MCC: variants seen among roughly 807,000 people sequenced by gnomAD.
MCC encodes the protein colorectal mutant cancer protein.
Under a neutral mutation model 116.2 loss-of-function variants are expected in MCC, and 90 were observed. The observed-to-expected ratio is 0.77, with a 90% CI of 0.65 to 0.92. MCC has a LOEUF of 0.92. Ranked by LOEUF, MCC falls within the 40% of genes least tolerant of loss-of-function variation. The probability of loss-of-function intolerance (pLI) is 0.00; values close to 1 mark genes in which losing one functional copy is unlikely to be tolerated. For synonymous variants in MCC, 578 were observed against 510.5 expected, an observed-to-expected ratio of 1.13 and a Z score of -1.78; for missense variants, 1,516 against 1,312.2, an observed-to-expected ratio of 1.16 and a Z score of -2.40.
chr5:113,484,460 T>C (rs370841785), intron 1 of MCC, among the ~76,000 whole-genome samples: 1 of 152,216 alleles, frequency 6.6e-6, no homozygotes. Context: ...CTGAGTACAC[T>C]GTTTTTGAGA....
At chr5:113,245,914 T>C (rs1764555957) in intron 3 of MCC, among the ~76,000 whole-genome samples, 3 of 152,206 alleles carry the variant, frequency 2.0e-5, no homozygotes, top group Admixed American at 1.3e-4. Context: ...AGAAAGTGTA[T>C]GGAAGTCTGG....
At chr5:113,467,865 A>G (rs1208289047) in intron 1 of MCC, among the ~76,000 whole-genome samples, 2 of 152,168 alleles carry the variant, frequency 1.3e-5, no homozygotes, top group East Asian at 1.9e-4. Context: ...TTCATTGAGC[A>G]GTGGTTTGTA....
intron 3 of MCC, among the ~76,000 whole-genome samples, chr5:113,161,620 A>ATGTGTGTGTGTG (rs57962617): frequency 1.9e-3 from 282 of 148,412 alleles, no homozygotes; most frequent in African/African-American, 6.7e-3. Flanking sequence ...GTTTAGATTT[A>ATGTGTGTGTGTG]TGTGTGTGTG....
chr5:113,218,417 G>A (rs966354579), intron 3 of MCC, among the ~76,000 whole-genome samples: 20 of 152,086 alleles, frequency 1.3e-4, no homozygotes, highest in Non-Finnish European at 2.4e-4. Context: ...GAGTGCCTCC[G>A]CTTTCTCCTC....
intron 3 of MCC, among the ~76,000 whole-genome samples, chr5:113,194,509 T>A (rs976335086): frequency 6.6e-6 from 1 of 151,906 alleles, no homozygotes; most frequent in Admixed American, 6.6e-5. Context: ...TACAAAAAAA[T>A]AAAAACTAAC....
At chr5:113,101,539 GCTT>G (rs1284749850) in intron 8 of MCC, 197 bp downstream of exon 8, 1 of 578,042 alleles carries the variant, frequency 1.7e-6, no homozygotes, top group Non-Finnish European at 3.1e-6. Context: ...AAAAGTGTTT[GCTT>G]TTTTTTTTTA....
chr5:113,398,925 G>C (rs1769604530), intron 1 of MCC, among the ~76,000 whole-genome samples: 1 of 152,060 alleles, frequency 6.6e-6, no homozygotes, highest in South Asian at 2.1e-4. Context: ...GAACTGTACT[G>C]TTCAATATGG....
chr5:113,459,634 G>A (rs944681420), intron 1 of MCC, among the ~76,000 whole-genome samples: 5 of 152,102 alleles, frequency 3.3e-5, no homozygotes, highest in Non-Finnish European at 5.9e-5. Context: ...CAATCCTGAT[G>A]GAAGGACCTA....
intron 1 of MCC, among the ~76,000 whole-genome samples, chr5:113,428,479 A>T (rs904986045): frequency 2.0e-5 from 3 of 152,178 alleles, no homozygotes; most frequent in Admixed American, 6.5e-5. Context: ...GACACCCCAT[A>T]TCCAATGACT....
intron 2 of MCC, 127 bp downstream of exon 2, chr5:113,384,841 G>C (rs1358886552): frequency 1.9e-6 from 2 of 1,048,328 alleles, no homozygotes; most frequent in Non-Finnish European, 2.8e-6. Flanking sequence ...GGGAAAGTGT[G>C]GCCAGGAGGG....
At chr5:113,118,194 T>C (rs1369777749) in intron 6 of MCC, among the ~76,000 whole-genome samples, 1 of 152,170 alleles carries the variant, frequency 6.6e-6, no homozygotes, top group Admixed American at 6.5e-5. Flanking sequence ...ACAGGGTAAG[T>C]GAGCAAAGCA....
At chr5:113,443,671 T>C (rs1017802778) in intron 1 of MCC, among the ~76,000 whole-genome samples, 2 of 152,216 alleles carry the variant, frequency 1.3e-5, no homozygotes, top group African/African-American at 2.4e-5. Context: ...ATACATTCCA[T>C]TGATACCTAG....
At chr5:113,406,790 T>C (rs944969071) in intron 1 of MCC, among the ~76,000 whole-genome samples, 1 of 152,184 alleles carries the variant, frequency 6.6e-6, no homozygotes, top group Admixed American at 6.5e-5. Context: ...ACTGATATCC[T>C]ACCAGCAGGT....
In MCC at chr5:113,084,172, G is replaced by C. The variant is rs1439290049; in HGVS notation, c.1564C>G (p.Leu522Val). Residue 522 changes from leucine to valine, a missense_variant, in exon 10 of 19, where the codon CTA (leucine) becomes GTA (valine). Leu to Val is a conservative substitution (Grantham distance 32). Transcript: ENST00000408903. Reference protein sequence around the residue: ...PIAKIAERVKLSKTRSESSSS... With the variant: ...PIAKIAERVKVSKTRSESSSS... ...GACGATTCGGACCTTGTCTTTGATA[G>C]CTTCACCCTCTCAGCAATCTTAAAA... The C allele has an allele frequency of 6.2e-7, 1 of 1,613,928 alleles. No individual in the cohort carries two copies. The highest frequency in any genetic ancestry group is 1.1e-5 in the South Asian group (1 of 91,082).
chr5:113,397,936 T>C (rs567042564), intron 1 of MCC, among the ~76,000 whole-genome samples: 1 of 152,312 alleles, frequency 6.6e-6, no homozygotes, highest in African/African-American at 2.4e-5. Flanking sequence ...TCACAAACTA[T>C]GCATCCAACA....
At chr5:113,202,735 T>C (rs1311238453) in intron 3 of MCC, among the ~76,000 whole-genome samples, 1 of 150,508 alleles carries the variant, frequency 6.6e-6, no homozygotes, top group African/African-American at 2.4e-5. Flanking sequence ...CTCCCCCATA[T>C]ACCTTCTACT....
chr5:113,090,218 G>A (rs768716017), intron 8 of MCC, among the ~76,000 whole-genome samples: 14 of 152,070 alleles, frequency 9.2e-5, no homozygotes, highest in African/African-American at 2.2e-4. Flanking sequence ...AGGTGAGGAC[G>A]GGCAATAACA....
chr5:113,382,993 T>G (rs539678666), intron 2 of MCC, among the ~76,000 whole-genome samples: 1 of 152,216 alleles, frequency 6.6e-6, no homozygotes, highest in Non-Finnish European at 1.5e-5. Flanking sequence ...TAAGGTTATA[T>G]AAAAGGATGA....
In MCC at chr5:113,255,593, A is replaced by G. The variant is rs73781504; in HGVS notation, c.627+84926T>C. Among the ~76,000 whole-genome samples, 920 of 152,294 alleles carry G rather than the reference A, an allele frequency of 6.0e-3. 9 individuals are homozygous for G. Among genetic ancestry groups the G allele is most frequent in the African/African-American group, 0.021 (885 of 41,548 alleles). On this transcript the variant is annotated intron_variant, in intron 3 of 18. Transcript: ENST00000408903. Reference sequence around the variant, plus strand: ...CAAGTGAGAAAGATCTAACTAATATATATCTCCTTCTTTACACTCTGCTCC... The same window carrying G: ...CAAGTGAGAAAGATCTAACTAATATGTATCTCCTTCTTTACACTCTGCTCC...
Sources: gnomAD v4.1 joint callset for allele counts (sites outside exome capture counted in the v4.1 genomes callset) on GRCh38, gnomAD v4.1.1 for gene constraint, MANE v1.5 for transcripts, NCBI Gene and HGNC (gene_info 2026-07-23, HGNC 2026-07-21) for gene names.